Variants in CCDC92B observed in about 807,000 individuals in gnomAD.
CCDC92B encodes the protein coiled-coil domain-containing 92B.
A neutral mutation model predicts 5.6 loss-of-function variants in CCDC92B; 2 were observed. The ratio of observed to expected loss-of-function variants is 0.36; its 90% CI spans 0.15 to 1.12. The LOEUF (loss-of-function observed/expected upper bound fraction) is 1.12, where lower values mean the gene tolerates loss of function less well. CCDC92B is among the 50% of genes most tolerant of loss of function. CCDC92B has a pLI of 0.40. For missense variants in CCDC92B, 271 were observed against 262.2 expected, an observed-to-expected ratio of 1.03 and a Z score of -0.23; for synonymous variants, 115 against 122.3, an observed-to-expected ratio of 0.94 and a Z score of 0.39.
chr17:2,734,146 C>A (rs1369655175), intron 2 of CCDC92B, among the ~76,000 whole-genome samples: 1 of 152,130 alleles, frequency 6.6e-6, no homozygotes, highest in East Asian at 1.9e-4. Context: ...TCCCACCTTT[C>A]GACCTTTGCC....
intron 1 of CCDC92B, among the ~76,000 whole-genome samples, chr17:2,741,638 G>A (rs551648885): frequency 8.1e-4 from 119 of 147,278 alleles, no homozygotes; most frequent in African/African-American, 2.8e-3. Flanking sequence ...TGTCGCCCAG[G>A]CTGGAGTGCA....
intron 1 of CCDC92B, among the ~76,000 whole-genome samples, chr17:2,740,942 G>C (rs2070918835): frequency 7.7e-6 from 1 of 129,042 alleles, no homozygotes; most frequent in African/African-American, 3.2e-5. Context: ...CTTCAGTCCT[G>C]GTGACAGACA....
chr17:2,748,836 G>C (rs1408058490), intron 1 of CCDC92B, among the ~76,000 whole-genome samples: 1 of 152,212 alleles, frequency 6.6e-6, no homozygotes, highest in African/African-American at 2.4e-5. Flanking sequence ...CGCTTGGCCA[G>C]TGGTGGAGCC....
chr17:2,724,883 G>A lies in CCDC92B; in HGVS notation c.296C>T (p.Ser99Phe). 1.0e-6 allele frequency: 1 copy of A among 985,172 alleles called. No individual in the cohort carries two copies. The highest frequency in any genetic ancestry group is 4.7e-5 in the South Asian group (1 of 21,294). 61.0% of individuals were successfully genotyped at this position (985,172 alleles called of 1,614,324 possible). A position where few individuals can be genotyped will look rare whatever the true frequency, so the allele number is the denominator to read the frequency against. Reference protein sequence around the residue: ...REVAQREALVSALRCSLRTEE... With the variant: ...REVAQREALVFALRCSLRTEE... ...GGTGCGCAGGCTGCAGCGCAGCGCG[G>A]ACACCAGCGCCTCGCGCTGCGCCAC... The change falls in exon 4 of 4, where the codon TCC (serine) becomes TTC (phenylalanine). Residue 99 changes from serine to phenylalanine, a missense_variant. Coordinates refer to ENST00000614400, the MANE Select transcript of CCDC92B (RefSeq NM_001355573.2). The surrounding 1 kb of genome is among the most constrained non-coding windows in gnomAD (Gnocchi z 5.0).
rs551163023 is a variant in CCDC92B at position 2,724,450 on chromosome 17, G to C, written c.729C>G (p.Pro243=). 891 of 983,960 alleles carry C rather than the reference G, an allele frequency of 9.1e-4. 15 individuals carry two copies. In the South Asian group the frequency reaches 0.024, roughly 26 times the overall value. 61.0% of individuals were successfully genotyped at this position (983,960 alleles called of 1,614,324 possible). A position where few individuals can be genotyped will look rare whatever the true frequency, so the allele number is the denominator to read the frequency against. The change falls in exon 4 of 4, where the codon CCC becomes CCG. Residue 243 remains proline, a synonymous_variant. Transcript: ENST00000614400. This position sits in a 1 kb window ranked among gnomAD's most constrained non-coding sequence, Gnocchi z 5.0. ...CGGGCGCGCTGGGCTGGCTGGGCGC[G>C]GGCTGCGGGCCGGCTCGGTCCGGGG... The part of the protein sequence containing the change: ...QEPPDRAGPQ[P]APSQPSAPGD...
At chr17:2,729,525 C>A (rs56720943) in intron 3 of CCDC92B, among the ~76,000 whole-genome samples, 11,693 of 150,044 alleles carry the variant, frequency 0.078, 608 homozygotes, top group East Asian at 0.16. Flanking sequence ...TTACTGTGTC[C>A]CTCCAAGTCA....
intron 1 of CCDC92B, among the ~76,000 whole-genome samples, chr17:2,747,587 C>T (rs2071001903): frequency 6.6e-6 from 1 of 152,114 alleles, no homozygotes; most frequent in African/African-American, 2.4e-5. Context: ...ATTAGCAGGG[C>T]ATGATGGCAC....
chr17:2,736,919 A>G (rs1247954564), intron 1 of CCDC92B, among the ~76,000 whole-genome samples: 1 of 147,766 alleles, frequency 6.8e-6, no homozygotes, highest in Non-Finnish European at 1.5e-5. Context: ...AATAAAATAC[A>G]TACATACATA....
rs2070697452 is a variant in CCDC92B, at chr17:2,724,305, G to C, written c.*106C>G. On this transcript the variant is annotated 3_prime_UTR_variant, in exon 4 of 4. Coordinates refer to ENST00000614400, the MANE Select transcript of CCDC92B (RefSeq NM_001355573.2). This position sits in a 1 kb window ranked among gnomAD's most constrained non-coding sequence, Gnocchi z 5.0. ...CGGGGCCGCCTCGCCCCGCTTCCTG[G>C]AGGAGGGGCGGCTGCCCTCCGACCC... 20 of 985,176 alleles carry C rather than the reference G, an allele frequency of 2.0e-5. No individual in the cohort carries two copies. The highest frequency in any genetic ancestry group is 2.4e-5 in the Non-Finnish European group (20 of 829,870). 61.0% of individuals were successfully genotyped at this position (985,176 alleles called of 1,614,324 possible). A position where few individuals can be genotyped will look rare whatever the true frequency, so the allele number is the denominator to read the frequency against.
chr17:2,727,729 T>C (rs7219261), intron 3 of CCDC92B, among the ~76,000 whole-genome samples: 3 of 150,254 alleles, frequency 2.0e-5, no homozygotes, highest in African/African-American at 2.5e-5. Context: ...GAGGCTGAAG[T>C]AGGAGAATTG....
At chr17:2,735,901 G>A (rs915814739) in intron 1 of CCDC92B, among the ~76,000 whole-genome samples, 4 of 152,164 alleles carry the variant, frequency 2.6e-5, no homozygotes, top group Non-Finnish European at 5.9e-5. Flanking sequence ...GTAAAATGAG[G>A]GAGATGTGGA....
At chr17:2,738,104 A>G (rs922443264) in intron 1 of CCDC92B, among the ~76,000 whole-genome samples, 3 of 151,898 alleles carry the variant, frequency 2.0e-5, no homozygotes, top group Non-Finnish European at 2.9e-5. Flanking sequence ...CAGTGGGGCA[A>G]TGGTAGCTCA....
chr17:2,730,040 G>A (rs1306265567), intron 3 of CCDC92B, among the ~76,000 whole-genome samples: 2 of 152,184 alleles, frequency 1.3e-5, no homozygotes, highest in Admixed American at 6.6e-5. Flanking sequence ...GGACTGGGGA[G>A]GTGGGTCACA....
In CCDC92B at chr17:2,721,413, C is replaced by A; in HGVS notation, c.*2998G>T. 6.6e-6 allele frequency: 1 copy of A among 152,522 alleles called. No individual in the cohort carries two copies. Among genetic ancestry groups the A allele is most frequent in the Non-Finnish European group, 1.5e-5 (1 of 68,190 alleles). 9.4% of individuals were successfully genotyped at this position (152,522 alleles called of 1,614,324 possible). A position where few individuals can be genotyped will look rare whatever the true frequency, so the allele number is the denominator to read the frequency against. On this transcript the variant is annotated 3_prime_UTR_variant, in exon 4 of 4. Coordinates refer to ENST00000614400, the MANE Select transcript of CCDC92B (RefSeq NM_001355573.2). Reference sequence around the variant, plus strand: ...AGAGAGAAATGCAGTCCTTTCCCTTCTTAGTCACCAAGATATTCCAGGGGC... The same window carrying A: ...AGAGAGAAATGCAGTCCTTTCCCTTATTAGTCACCAAGATATTCCAGGGGC...
intron 3 of CCDC92B, among the ~76,000 whole-genome samples, chr17:2,726,717 G>A (rs1225772376): frequency 2.7e-5 from 4 of 150,166 alleles, no homozygotes; most frequent in Non-Finnish European, 1.5e-5. Context: ...GGGTTCAAGC[G>A]ATTCTCCTGC....
intron 1 of CCDC92B, among the ~76,000 whole-genome samples, chr17:2,749,184 G>C (rs1464083943): frequency 6.6e-6 from 1 of 152,078 alleles, no homozygotes; most frequent in Non-Finnish European, 1.5e-5. Context: ...GGCGGGGCTC[G>C]ACCTCGGGCC....
chr17:2,724,892 G>A lies in CCDC92B; in HGVS notation c.287C>T (p.Ala96Val), dbSNP rs2151736179. ...ELRREVAQRE[A>V]LVSALRCSLR... ...GCTGCAGCGCAGCGCGGACACCAGC[G>A]CCTCGCGCTGCGCCACCTCCCGCCG... Residue 96 changes from alanine to valine, a missense_variant, in exon 4 of 4, where the codon GCG becomes GTG. Ala to Val is a moderately conservative substitution (Grantham distance 64). Coordinates refer to ENST00000614400, the MANE Select transcript of CCDC92B (RefSeq NM_001355573.2). The surrounding 1 kb of genome is among the most constrained non-coding windows in gnomAD (Gnocchi z 5.0). 1.0e-6 allele frequency: 1 copy of A among 985,206 alleles called. No individual in the cohort carries two copies. The highest frequency in any genetic ancestry group is 1.1e-4 in the East Asian group (1 of 8,786). The allele number at this position is 985,206 out of a possible 1,614,324, so 61.0% of individuals were successfully genotyped here.
Position 2,749,482 on chromosome 17 carries a change from C to T in CCDC92B, c.-95G>A, listed in dbSNP as rs923043825. Reference sequence around the variant, plus strand: ...CGGGCTGGGTGGGGGCGGCGCTCTTCCCCCCACGCTAGCTGCGCCCGGGGA... The same window carrying T: ...CGGGCTGGGTGGGGGCGGCGCTCTTTCCCCCACGCTAGCTGCGCCCGGGGA... On this transcript the variant is annotated 5_prime_UTR_variant, in exon 1 of 4. Transcript: ENST00000614400. 1 of 150,968 alleles carries T rather than the reference C, an allele frequency of 6.6e-6. No homozygotes were observed. The highest frequency in any genetic ancestry group is 2.1e-4 in the South Asian group (1 of 4,792). The allele number at this position is 150,968 out of a possible 1,614,324, so 9.4% of individuals were successfully genotyped here. A position where few individuals can be genotyped will look rare whatever the true frequency, so the allele number is the denominator to read the frequency against.
chr17:2,742,940 T>G lies in CCDC92B; in HGVS notation c.-24+6471A>C, dbSNP rs144378195. Among the ~76,000 whole-genome samples the G allele has an allele frequency of 2.6e-5, 4 of 152,274 alleles. No homozygotes were observed. In the East Asian group the frequency reaches 7.7e-4, roughly 29 times the overall value. On this transcript the variant is annotated intron_variant, in intron 1 of 3. Transcript: ENST00000614400. ...CTCTTTCTTTATATTCCATAGTCAATCCATCTGCAAATCCTGTTTGCTCTA... is the reference window on the plus strand; with the variant it reads ...CTCTTTCTTTATATTCCATAGTCAAGCCATCTGCAAATCCTGTTTGCTCTA...
Sources: gnomAD v4.1 joint callset for allele counts (sites outside exome capture counted in the v4.1 genomes callset) on GRCh38, gnomAD v4.1.1 for gene constraint, Gnocchi (gnomAD v3.1) non-coding constraint, MANE v1.5 for transcripts, NCBI Gene and HGNC (gene_info 2026-07-23, HGNC 2026-07-21) for gene names.